The following RNF180 variants were observed in gnomAD, a reference collection of about 807,000 sequenced individuals.
RNF180 encodes the protein ring finger protein 180.
A neutral mutation model predicts 59.2 loss-of-function variants in RNF180; 38 were observed. The ratio of observed to expected loss-of-function variants is 0.64; its 90% confidence interval spans 0.50 to 0.84. RNF180 has a LOEUF of 0.84. Ranked by LOEUF, RNF180 falls within the 40% of genes least tolerant of loss-of-function variation. The pLI, the probability that RNF180 is intolerant of heterozygous loss-of-function variation, is 0.00. For synonymous variants in RNF180, 262 were observed against 240.3 expected (o/e 1.09, Z -0.84); for missense variants, 705 against 700.9 (o/e 1.01, Z -0.07).
intron 6 of RNF180, among the ~76,000 whole-genome samples, chr5:64,327,832 T>A (rs1336841759): frequency 6.6e-6 from 1 of 152,180 alleles, no homozygotes; most frequent in Non-Finnish European, 1.5e-5. Flanking sequence ...TAATTTTCTG[T>A]CTAGATCTGT....
intron 5 of RNF180, among the ~76,000 whole-genome samples, chr5:64,297,309 T>A (rs927504172): frequency 1.3e-5 from 2 of 152,136 alleles, no homozygotes; most frequent in African/African-American, 4.8e-5. Context: ...TTTCTTACAT[T>A]TTTCAGTGCT....
chr5:64,325,728 G>A (rs1253306592), intron 6 of RNF180, among the ~76,000 whole-genome samples: 3 of 152,052 alleles, frequency 2.0e-5, no homozygotes, highest in African/African-American at 7.2e-5. Flanking sequence ...CCTCATATCT[G>A]CCTTCCACTA....
intron 7 of RNF180, among the ~76,000 whole-genome samples, chr5:64,342,569 A>G (rs903461919): frequency 2.0e-5 from 3 of 152,160 alleles, no homozygotes; most frequent in Non-Finnish European, 2.9e-5. Flanking sequence ...TTAGGAATCA[A>G]GTTATCCTAC....
At position 64,296,877 on chromosome 5, in the gene RNF180, G is replaced by C. The variant is rs183041050; in HGVS notation, c.1228-28309G>C. The stretch of plus-strand genomic sequence containing the variant: ...TCTCTTGAAATGGAGGTTTGATTTT[G>C]TATGGGAAAGGCCTTTCCACTCTTT... On this transcript the variant is annotated intron_variant, in intron 5 of 7. Transcript: ENST00000389100. 3.9e-5 allele frequency among the ~76,000 whole-genome samples: 6 copies of C among 152,142 alleles called. No homozygotes were observed. The East Asian group carries it at 1.2e-3, about 30-fold the overall frequency.
intron 7 of RNF180, among the ~76,000 whole-genome samples, chr5:64,342,159 C>A (rs1016761710): frequency 5.9e-5 from 9 of 151,980 alleles, no homozygotes; most frequent in Non-Finnish European, 1.2e-4. Flanking sequence ...TAAGTGGTGG[C>A]AAGCGATCAC....
At chr5:64,223,590 G>T (rs574597191) in intron 5 of RNF180, among the ~76,000 whole-genome samples, 1 of 152,246 alleles carries the variant, frequency 6.6e-6, no homozygotes, top group African/African-American at 2.4e-5. Context: ...TACAAACCTA[G>T]TATGTGATAA....
chr5:64,193,835 A>G (rs1019046184), intron 1 of RNF180, among the ~76,000 whole-genome samples: 1 of 152,072 alleles, frequency 6.6e-6, no homozygotes, highest in African/African-American at 2.4e-5. Context: ...ACTTTTACCT[A>G]TCCGAAAACC....
intron 5 of RNF180, 81 bp from the exon 6 acceptor site, chr5:64,325,105 C>T: frequency 4.7e-6 from 4 of 843,424 alleles, no homozygotes; most frequent in East Asian, 2.7e-5. Flanking sequence ...TATTTTTGTT[C>T]ATTTTAACAA....
At chr5:64,255,853 C>T (rs1580122369) in intron 5 of RNF180, among the ~76,000 whole-genome samples, 1 of 152,206 alleles carries the variant, frequency 6.6e-6, no homozygotes, top group East Asian at 1.9e-4. Flanking sequence ...ACATCCTCTC[C>T]AGCACCTATT....
At chr5:64,202,012 C>T (rs1751781037) in intron 2 of RNF180, among the ~76,000 whole-genome samples, 1 of 152,122 alleles carries the variant, frequency 6.6e-6, no homozygotes, top group Non-Finnish European at 1.5e-5. Flanking sequence ...AGGAAAATAT[C>T]CAAAACTTTT....
chr5:64,301,487 T>C (rs1480587493), intron 5 of RNF180, among the ~76,000 whole-genome samples: 2 of 151,778 alleles, frequency 1.3e-5, no homozygotes, highest in African/African-American at 4.8e-5. Context: ...AGATGGTTTC[T>C]GGTTAACTGT....
At chr5:64,255,195 A>G (rs947733777) in intron 5 of RNF180, among the ~76,000 whole-genome samples, 1 of 151,870 alleles carries the variant, frequency 6.6e-6, no homozygotes, top group African/African-American at 2.4e-5. Flanking sequence ...AGCATTTCTG[A>G]ACACTTTCTT....
intron 5 of RNF180, among the ~76,000 whole-genome samples, chr5:64,276,066 C>A (rs1741694774): frequency 6.6e-6 from 1 of 152,002 alleles, no homozygotes; most frequent in Admixed American, 6.6e-5. Flanking sequence ...TTGCCCCAAC[C>A]CCATAGAATC....
intron 7 of RNF180, among the ~76,000 whole-genome samples, chr5:64,349,274 T>C (rs1198062255): frequency 6.6e-6 from 1 of 152,126 alleles, no homozygotes; most frequent in Admixed American, 6.6e-5. Flanking sequence ...TTGCTTATTC[T>C]TTTAATGCCA....
At chr5:64,214,571 TG>T in intron 4 of RNF180, 54 bp downstream of exon 4, 1 of 1,491,658 alleles carries the variant, frequency 6.7e-7, no homozygotes, top group African/African-American at 1.4e-5. Context: ...TACTGGAGTT[TG>T]GGGAGTGGAG....
chr5:64,345,176 T>A, intron 7 of RNF180, among the ~76,000 whole-genome samples: 1 of 152,170 alleles, frequency 6.6e-6, no homozygotes, highest in East Asian at 1.9e-4. Context: ...CCAACACTCT[T>A]CTAATTTAGG....
intron 1 of RNF180, among the ~76,000 whole-genome samples, chr5:64,173,150 T>G (rs1461755023): frequency 6.6e-6 from 1 of 152,202 alleles, no homozygotes; most frequent in Non-Finnish European, 1.5e-5. Context: ...TATTAACCAT[T>G]TAATTAAGGT....
intron 5 of RNF180, among the ~76,000 whole-genome samples, chr5:64,319,635 T>A (rs934992313): frequency 6.6e-6 from 1 of 152,182 alleles, no homozygotes. Flanking sequence ...TCCCATTGGG[T>A]GGGCTGGCTG....
chr5:64,181,931 C>T (rs1286892811), intron 1 of RNF180, among the ~76,000 whole-genome samples: 2 of 149,050 alleles, frequency 1.3e-5, no homozygotes, highest in Non-Finnish European at 3.0e-5. Context: ...GTCAGGTTAA[C>T]ATTTTGGGGT....
Sources: allele counts gnomAD v4.1 joint callset (sites outside exome capture counted in the v4.1 genomes callset), GRCh38; gene constraint gnomAD v4.1.1; transcripts MANE v1.5; gene names NCBI Gene and HGNC (gene_info 2026-07-23, HGNC 2026-07-21).